The following CNTN1 variants were observed in gnomAD, a reference collection of about 807,000 sequenced individuals.
CNTN1 encodes contactin 1.
CNTN1 carries 38 observed loss-of-function variants against 126.4 expected under a neutral mutation model. The observed-to-expected ratio is 0.30, with a 90% CI of 0.23 to 0.39. The LOEUF is 0.39. CNTN1 is among the 10% of genes least tolerant of loss of function. CNTN1 has a pLI of 1.00. For synonymous variants in CNTN1, 413 were observed against 422.6 expected, an observed-to-expected ratio of 0.98 and a Z score of 0.28; for missense variants, 1,009 against 1,248.4, an observed-to-expected ratio of 0.81 and a Z score of 2.89.
intron 1 of CNTN1, among the ~76,000 whole-genome samples, chr12:40,752,629 A>G (rs1270985276): frequency 6.6e-6 from 1 of 152,106 alleles, no homozygotes; most frequent in African/African-American, 2.4e-5. Context: ...ATTCTACGGT[A>G]TAGTATATTG....
intron 17 of CNTN1, 69 bp downstream of exon 17, chr12:40,993,338 G>C (rs1948137523): frequency 7.7e-7 from 1 of 1,297,620 alleles, no homozygotes; most frequent in South Asian, 1.2e-5. Context: ...ATATATGGTT[G>C]AATGTATTTG....
intron 1 of CNTN1, among the ~76,000 whole-genome samples, chr12:40,871,658 T>C (rs1002662041): frequency 6.6e-6 from 1 of 152,208 alleles, no homozygotes; most frequent in Non-Finnish European, 1.5e-5. Flanking sequence ...AAATGTTTTG[T>C]ATAAAATGTT....
At chr12:41,051,233 T>C (rs1383019141) in intron 23 of CNTN1, among the ~76,000 whole-genome samples, 2 of 147,918 alleles carry the variant, frequency 1.4e-5, no homozygotes, top group African/African-American at 5.0e-5. Flanking sequence ...CTGCAAGCTC[T>C]GCCTCCCAGG....
At chr12:40,933,972 T>G in intron 9 of CNTN1, 94 bp downstream of exon 9, 1 of 963,332 alleles carries the variant, frequency 1.0e-6, no homozygotes, top group Admixed American at 2.1e-5. Context: ...TGATTAATGG[T>G]TTTAAAAACA....
intron 14 of CNTN1, among the ~76,000 whole-genome samples, chr12:40,946,451 AG>A: frequency 6.6e-6 from 1 of 152,228 alleles, no homozygotes; most frequent in Non-Finnish European, 1.5e-5. Flanking sequence ...ATATGTACTA[AG>A]CACATGCCAT....
intron 23 of CNTN1, among the ~76,000 whole-genome samples, chr12:41,043,386 A>AC (rs1949464651): frequency 6.6e-6 from 1 of 152,182 alleles, no homozygotes; most frequent in Admixed American, 6.5e-5. Context: ...TGCAGCCAAA[A>AC]AACATGAAAA....
intron 1 of CNTN1, among the ~76,000 whole-genome samples, chr12:40,733,134 G>T (rs1199233983): frequency 6.6e-6 from 1 of 152,012 alleles, no homozygotes; most frequent in Non-Finnish European, 1.5e-5. Context: ...TATAAACACA[G>T]TAAGTAGATG....
chr12:40,922,325 T>C lies in CNTN1; in HGVS notation c.297T>C (p.Val99=). Residue 99 remains valine, a synonymous_variant, in exon 5 of 24, where the codon GTT becomes GTC. Transcript: ENST00000551295. ...ACAGTATGGTAGGAGGAAACCTTGTTATCAACAACCCTGACAAACAGAAAG... is the reference window on the plus strand; with the variant it reads ...ACAGTATGGTAGGAGGAAACCTTGTCATCAACAACCCTGACAAACAGAAAG... ...DRYSMVGGNL[V]INNPDKQKDA... is the part of the protein sequence containing the mutation. 2 of 1,614,028 alleles carry C rather than the reference T, an allele frequency of 1.2e-6. No individual in the cohort carries two copies. Among genetic ancestry groups the C allele is most frequent in the Non-Finnish European group, 1.7e-6 (2 of 1,179,922 alleles).
At chr12:40,875,549 T>C (rs1269234188) in intron 1 of CNTN1, among the ~76,000 whole-genome samples, 1 of 152,150 alleles carries the variant, frequency 6.6e-6, no homozygotes, top group East Asian at 1.9e-4. Flanking sequence ...AATTCCATTA[T>C]ATAGGATTAT....
At chr12:40,972,109 A>G in intron 15 of CNTN1, 1 of 985,608 alleles carries the variant, frequency 1.0e-6, no homozygotes, top group Non-Finnish European at 1.2e-6. Context: ...CTGGAATTGG[A>G]AAGTGAAAAT....
chr12:40,872,790 G>C (rs1943548452), intron 1 of CNTN1, among the ~76,000 whole-genome samples: 1 of 151,796 alleles, frequency 6.6e-6, no homozygotes, highest in African/African-American at 2.4e-5. Context: ...TCGAACTCCT[G>C]ACCTTGTGAT....
chr12:40,796,788 G>A (rs1940449509), intron 1 of CNTN1, among the ~76,000 whole-genome samples: 1 of 152,006 alleles, frequency 6.6e-6, no homozygotes, highest in Admixed American at 6.6e-5. Flanking sequence ...AAGTCAGAAC[G>A]GTAACACCAC....
intron 1 of CNTN1, among the ~76,000 whole-genome samples, chr12:40,760,614 A>G (rs1350799641): frequency 6.6e-6 from 1 of 152,120 alleles, no homozygotes; most frequent in Non-Finnish European, 1.5e-5. Context: ...TATTTATTTC[A>G]TATTATTTTG....
intron 15 of CNTN1, chr12:40,971,780 A>G: frequency 8.3e-7 from 1 of 1,210,778 alleles, no homozygotes. Context: ...TTGTGTTTTC[A>G]TGTCCTGTTT....
intron 17 of CNTN1, among the ~76,000 whole-genome samples, chr12:41,002,675 G>A (rs1083142): frequency 2.7e-5 from 4 of 149,926 alleles, no homozygotes; most frequent in Admixed American, 6.7e-5. Flanking sequence ...CTCCTGCCTC[G>A]GCCTCCTGAG....
intron 17 of CNTN1, among the ~76,000 whole-genome samples, chr12:41,003,995 TG>T (rs1204088240): frequency 6.6e-6 from 1 of 152,140 alleles, no homozygotes; most frequent in Non-Finnish European, 1.5e-5. Flanking sequence ...CTTTAGGATT[TG>T]TTTGCTCTTT....
At chr12:41,007,810 A>G (rs1475183152) in intron 17 of CNTN1, among the ~76,000 whole-genome samples, 1 of 152,196 alleles carries the variant, frequency 6.6e-6, no homozygotes, top group African/African-American at 2.4e-5. Context: ...GAGAAGATGG[A>G]CCATCTTGAA....
chr12:40,741,392 T>C (rs1937938356), intron 1 of CNTN1, among the ~76,000 whole-genome samples: 2 of 152,090 alleles, frequency 1.3e-5, no homozygotes, highest in African/African-American at 4.8e-5. Flanking sequence ...TGAGGAAGCT[T>C]CCCTCATCTT....
chr12:40,829,076 C>G (rs139110975), intron 1 of CNTN1, among the ~76,000 whole-genome samples: 1 of 151,892 alleles, frequency 6.6e-6, no homozygotes, highest in African/African-American at 2.4e-5. Flanking sequence ...CAGTACTATA[C>G]GAGTATATTT....
Sources: allele counts gnomAD v4.1 joint callset (sites outside exome capture counted in the v4.1 genomes callset), GRCh38; gene constraint gnomAD v4.1.1; transcripts MANE v1.5; gene names NCBI Gene and HGNC (gene_info 2026-07-23, HGNC 2026-07-21).